Variants in STX6 observed in about 807,000 individuals in gnomAD.
The protein encoded by STX6 is syntaxin 6.
In STX6, 23 loss-of-function variants were observed where a neutral mutation model predicts 38.0. The ratio of observed to expected loss-of-function variants is 0.60; its 90% CI spans 0.43 to 0.86. The LOEUF (loss-of-function observed/expected upper bound fraction) is 0.86, where lower values mean the gene tolerates loss of function less well. Among genes scored for constraint, STX6 ranks in the 40% least tolerant of loss-of-function variants. The pLI, the probability that STX6 is intolerant of heterozygous loss-of-function variation, is 0.00. For missense variants in STX6, 274 were observed against 312.9 expected, an observed-to-expected ratio of 0.88 and a Z score of 0.94; for synonymous variants, 123 against 107.5, an observed-to-expected ratio of 1.14 and a Z score of -0.89.
At chr1:180,982,115 T>TC (rs1655434380) in intron 7 of STX6, among the ~76,000 whole-genome samples, 1 of 152,184 alleles carries the variant, frequency 6.6e-6, no homozygotes, top group Admixed American at 6.5e-5. Context: ...GGTTGGTTTC[T>TC]CCCCATGAAG....
chr1:181,018,312 G>A (rs1656621706), intron 1 of STX6, among the ~76,000 whole-genome samples: 1 of 143,962 alleles, frequency 6.9e-6, no homozygotes, highest in Non-Finnish European at 1.5e-5. Flanking sequence ...GAACCCAAGA[G>A]GTAGAGGTTG....
chr1:180,974,939 T>G lies in STX6; in HGVS notation c.*1631A>C, dbSNP rs570553437. 6.5e-6 allele frequency: 1 copy of G among 152,720 alleles called. No homozygotes were observed. The highest frequency in any genetic ancestry group is 2.4e-5 in the African/African-American group (1 of 41,566). 9.5% of individuals were successfully genotyped at this position (152,720 alleles called of 1,614,324 possible). On this transcript the variant is annotated 3_prime_UTR_variant, in exon 8 of 8. Coordinates refer to ENST00000258301, the MANE Select transcript of STX6 (RefSeq NM_005819.6). The stretch of plus-strand genomic sequence containing the variant: ...CATATTTTCTTAACCTACCATGATC[T>G]CAAATGAGATAAAATATCCTTCTTC...
At chr1:181,012,175 T>C (rs1285882835) in intron 1 of STX6, among the ~76,000 whole-genome samples, 1 of 152,210 alleles carries the variant, frequency 6.6e-6, no homozygotes, top group South Asian at 2.1e-4. Context: ...CACCCACAGC[T>C]TGGAGAATCA....
At chr1:180,993,625 A>G (rs532563687) in intron 3 of STX6, among the ~76,000 whole-genome samples, 200 bp from the exon 4 acceptor site, 1 of 152,324 alleles carries the variant, frequency 6.6e-6, no homozygotes, top group East Asian at 1.9e-4. Context: ...AGTAACCTGG[A>G]TACTAATTTG....
At position 181,006,304 on chromosome 1, in the gene STX6, C is replaced by T. The variant is rs191956663; in HGVS notation, c.36-841G>A. 8.8e-3 allele frequency among the ~76,000 whole-genome samples: 1,333 copies of T among 151,694 alleles called. 2 individuals carry two copies. Among genetic ancestry groups the T allele is most frequent in the Non-Finnish European group, 0.012 (793 of 67,934 alleles). The stretch of plus-strand genomic sequence containing the variant: ...TCTTGAACTCCTGATCTCAGGTGAT[C>T]CACCTGCCTCAGCCTCCCAAAGTGC... On this transcript the variant is annotated intron_variant, in intron 1 of 7. Transcript: ENST00000258301.
intron 7 of STX6, among the ~76,000 whole-genome samples, chr1:180,983,599 A>G (rs1470991663): frequency 6.6e-6 from 1 of 152,248 alleles, no homozygotes; most frequent in East Asian, 1.9e-4. Context: ...AATTTAAAAT[A>G]GATCCACACA....
chr1:181,005,207 T>C, intron 2 of STX6, 87 bp downstream of exon 2: 1 of 1,526,206 alleles, frequency 6.6e-7, no homozygotes, highest in Non-Finnish European at 8.8e-7. Flanking sequence ...TATAAAATGT[T>C]TCATCTACAT....
At chr1:180,985,465 A>G (rs949477235) in intron 6 of STX6, among the ~76,000 whole-genome samples, 5 of 152,372 alleles carry the variant, frequency 3.3e-5, no homozygotes, top group African/African-American at 9.6e-5. Flanking sequence ...CTTTAATAAA[A>G]TAACCTCCTA....
chr1:180,974,258 G>A lies in STX6; in HGVS notation c.*2312C>T, dbSNP rs1024878759. On this transcript the variant is annotated 3_prime_UTR_variant, in exon 8 of 8. Transcript: ENST00000258301. ...AGGATCAAATCAGCCAGGGGCAGAA[G>A]GGCATGGTGGCCCTACGGGTAGAAT... 2.6e-5 allele frequency: 4 copies of A among 152,232 alleles called. No homozygotes were observed. Among genetic ancestry groups the A allele is most frequent in the Non-Finnish European group, 5.9e-5 (4 of 68,054 alleles). The allele number at this position is 152,232 out of a possible 1,614,324, so 9.4% of individuals were successfully genotyped here. A position where few individuals can be genotyped will look rare whatever the true frequency, so the allele number is the denominator to read the frequency against.
chr1:181,007,780 T>C (rs1290346704), intron 1 of STX6, among the ~76,000 whole-genome samples: 2 of 152,248 alleles, frequency 1.3e-5, no homozygotes, highest in Non-Finnish European at 2.9e-5. Flanking sequence ...CTAATCTATT[T>C]ACTATATTAG....
chr1:180,984,640 TA>T (rs1249241430), intron 7 of STX6, 36 bp downstream of exon 7: 1 of 926,348 alleles, frequency 1.1e-6, no homozygotes, highest in Admixed American at 1.9e-5. Flanking sequence ...GTTCTAGAAT[TA>T]AGTACAAATG....
chr1:180,996,544 A>G (rs866228510), intron 3 of STX6, among the ~76,000 whole-genome samples: 1 of 152,154 alleles, frequency 6.6e-6, no homozygotes, highest in African/African-American at 2.4e-5. Context: ...TATGACTGAT[A>G]AGGTCTTTTT....
intron 1 of STX6, among the ~76,000 whole-genome samples, chr1:181,017,168 C>T (rs574159852): frequency 6.5e-4 from 99 of 151,552 alleles, no homozygotes; most frequent in African/African-American, 2.3e-3. Context: ...GGGAGGATCA[C>T]GAGGTCAGGA....
intron 1 of STX6, among the ~76,000 whole-genome samples, chr1:181,012,342 C>T (rs181461302): frequency 9.5e-4 from 144 of 152,318 alleles, no homozygotes; most frequent in South Asian, 3.3e-3. Flanking sequence ...CACATGCTGC[C>T]CAAATCAGTT....
chr1:181,010,864 G>A (rs1656373559), intron 1 of STX6, among the ~76,000 whole-genome samples: 1 of 152,152 alleles, frequency 6.6e-6, no homozygotes, highest in African/African-American at 2.4e-5. Flanking sequence ...GGATCTTGGG[G>A]ATCCCTTGTG....
chr1:180,996,696 C>T (rs1453847201), intron 3 of STX6, among the ~76,000 whole-genome samples: 1 of 152,098 alleles, frequency 6.6e-6, no homozygotes, highest in African/African-American at 2.4e-5. Context: ...CCTCAGCCTC[C>T]CAAGTAGCTG....
intron 3 of STX6, among the ~76,000 whole-genome samples, chr1:180,998,915 A>C (rs1655993872): frequency 6.6e-6 from 1 of 152,262 alleles, no homozygotes; most frequent in East Asian, 1.9e-4. Flanking sequence ...CTGCCAAAGG[A>C]ACAACAAATG....
At chr1:180,978,159 G>T (rs73048416) in intron 7 of STX6, among the ~76,000 whole-genome samples, 6,137 of 152,242 alleles carry the variant, frequency 0.04, 227 homozygotes, top group African/African-American at 0.099. Flanking sequence ...TTAATTTCCA[G>T]CCAAGTATGT....
chr1:181,010,585 A>G (rs910341235), intron 1 of STX6, among the ~76,000 whole-genome samples: 12 of 152,102 alleles, frequency 7.9e-5, no homozygotes, highest in African/African-American at 2.9e-4. Flanking sequence ...TACAGGTGTG[A>G]GCCTCCGCGC....
Sources: allele counts gnomAD v4.1 joint callset (sites outside exome capture counted in the v4.1 genomes callset), GRCh38; gene constraint gnomAD v4.1.1; transcripts MANE v1.5; gene names NCBI Gene and HGNC (gene_info 2026-07-23, HGNC 2026-07-21).